Variants in UBTD2 observed in about 807,000 individuals in gnomAD.
UBTD2 encodes ubiquitin domain-containing protein 2.
A neutral mutation model predicts 19.8 loss-of-function variants in UBTD2; 9 were observed. The observed-to-expected ratio is 0.46, with a 90% CI of 0.27 to 0.79. UBTD2 has a LOEUF of 0.79. UBTD2 is among the 30% of genes least tolerant of loss of function. The probability of loss-of-function intolerance (pLI) is 0.14; values close to 1 mark genes in which losing one functional copy is unlikely to be tolerated. For missense variants in UBTD2, 250 were observed against 300.4 expected (o/e 0.83, Z 1.24); for synonymous variants, 98 against 103.9 (o/e 0.94, Z 0.35).
chr5:172,253,405 A>C (rs1755067450), intron 1 of UBTD2, among the ~76,000 whole-genome samples: 1 of 152,134 alleles, frequency 6.6e-6, no homozygotes, highest in African/African-American at 2.4e-5. Context: ...CCTGAGATAT[A>C]AATCTCACAA....
intron 1 of UBTD2, among the ~76,000 whole-genome samples, chr5:172,272,459 A>C (rs1755509604): frequency 6.6e-6 from 1 of 152,208 alleles, no homozygotes; most frequent in Non-Finnish European, 1.5e-5. Context: ...GTGGCCCCCC[A>C]AATGAAGATA....
intron 1 of UBTD2, among the ~76,000 whole-genome samples, chr5:172,254,155 A>C (rs1159154400): frequency 6.6e-6 from 1 of 152,114 alleles, no homozygotes; most frequent in Non-Finnish European, 1.5e-5. Context: ...GCTGGAGTGC[A>C]GTGGTGCAAT....
chr5:172,254,099 C>T (rs1469497526), intron 1 of UBTD2, among the ~76,000 whole-genome samples: 1 of 151,820 alleles, frequency 6.6e-6, no homozygotes, highest in Non-Finnish European at 1.5e-5. Flanking sequence ...AACTAGCATT[C>T]CTTTTTTCTT....
intron 1 of UBTD2, among the ~76,000 whole-genome samples, chr5:172,239,417 GTC>G (rs928871349): frequency 1.6e-4 from 25 of 151,888 alleles, no homozygotes; most frequent in African/African-American, 6.0e-4. Flanking sequence ...GTGAAACCCC[GTC>G]TCTCTCTTTT....
intron 1 of UBTD2, among the ~76,000 whole-genome samples, chr5:172,278,168 C>G (rs766384547): frequency 6.6e-6 from 1 of 152,128 alleles, no homozygotes; most frequent in Non-Finnish European, 1.5e-5. Context: ...TCCTATCCAG[C>G]TGAAAGAACT....
chr5:172,220,609 A>G (rs1377391356), intron 2 of UBTD2, among the ~76,000 whole-genome samples: 1 of 152,102 alleles, frequency 6.6e-6, no homozygotes, highest in East Asian at 1.9e-4. Context: ...CTGGGCAACA[A>G]GAGCAAAATT....
At chr5:172,253,918 A>G (rs1038770729) in intron 1 of UBTD2, among the ~76,000 whole-genome samples, 12 of 151,714 alleles carry the variant, frequency 7.9e-5, no homozygotes, top group African/African-American at 1.7e-4. Flanking sequence ...CAACCCTAGG[A>G]AAAAAAAAGT....
intron 1 of UBTD2, among the ~76,000 whole-genome samples, chr5:172,267,614 T>A (rs1465313266): frequency 6.6e-6 from 1 of 152,242 alleles, no homozygotes; most frequent in East Asian, 1.9e-4. Context: ...GTTTAACTTC[T>A]GAGTACAGCT....
chr5:172,247,062 C>T, intron 1 of UBTD2, among the ~76,000 whole-genome samples: 1 of 151,844 alleles, frequency 6.6e-6, no homozygotes, highest in Non-Finnish European at 1.5e-5. Context: ...CCCAAGATTG[C>T]AGTTTTAAAG....
Position 172,209,837 on chromosome 5 carries a change from A to G in UBTD2, c.*1993T>C, listed in dbSNP as rs897996263. The stretch of plus-strand genomic sequence containing the variant: ...AGCATATGTTCCTTTAAAATAAAAT[A>G]AACTCTTAAAAAGAGAGCTCAAATC... On this transcript the variant is annotated 3_prime_UTR_variant, in exon 3 of 3. Coordinates refer to ENST00000393792, the MANE Select transcript of UBTD2 (RefSeq NM_152277.3). 7.2e-5 allele frequency: 11 copies of G among 152,638 alleles called. No individual in the cohort carries two copies. The highest frequency in any genetic ancestry group is 2.9e-5 in the Non-Finnish European group (2 of 68,026). 9.5% of individuals were successfully genotyped at this position (152,638 alleles called of 1,614,324 possible). A position where few individuals can be genotyped will look rare whatever the true frequency, so the allele number is the denominator to read the frequency against.
At chr5:172,262,461 A>AAC (rs933320759) in intron 1 of UBTD2, among the ~76,000 whole-genome samples, 3 of 151,166 alleles carry the variant, frequency 2.0e-5, no homozygotes, top group African/African-American at 7.3e-5. Flanking sequence ...AAAAAAAAAA[A>AAC]AAAAAAACAA....
intron 1 of UBTD2, among the ~76,000 whole-genome samples, chr5:172,243,012 G>C (rs1218574723): frequency 1.3e-5 from 2 of 151,894 alleles, no homozygotes; most frequent in East Asian, 1.9e-4. Flanking sequence ...CTTTTTTGTA[G>C]AGACAGGGTC....
At position 172,210,686 on chromosome 5, in the gene UBTD2, T is replaced by C. The variant is rs1161247136; in HGVS notation, c.*1144A>G. On this transcript the variant is annotated 3_prime_UTR_variant, in exon 3 of 3. Coordinates refer to ENST00000393792, the MANE Select transcript of UBTD2 (RefSeq NM_152277.3). ...AAGCACTAAGGTATAAAGCAATGTT[T>C]CATTATTTGGTCTCACTGCTAATGT... The C allele has an allele frequency of 6.6e-6, 1 of 152,176 alleles. No individual in the cohort carries two copies. Among genetic ancestry groups the C allele is most frequent in the Non-Finnish European group, 1.5e-5 (1 of 68,026 alleles). The allele number at this position is 152,176 out of a possible 1,614,324, so 9.4% of individuals were successfully genotyped here.
Position 172,278,299 on chromosome 5 carries a change from T to C in UBTD2, c.70+5297A>G, listed in dbSNP as rs562534855. ...AATGGATAAAAAAAAAAGTGGTATA[T>C]ACATGGGCAGGAGTTGGAGACCAGC... On this transcript the variant is annotated intron_variant, in intron 1 of 2. Transcript: ENST00000393792. Among the ~76,000 whole-genome samples the C allele has an allele frequency of 5.9e-5, 9 of 151,856 alleles. No homozygotes were observed. In the East Asian group the frequency reaches 1.2e-3, roughly 20 times the overall value.
chr5:172,229,121 C>T (rs1051158114), intron 2 of UBTD2, among the ~76,000 whole-genome samples: 8 of 152,006 alleles, frequency 5.3e-5, no homozygotes, highest in Admixed American at 5.2e-4. Context: ...TGAATAAAAT[C>T]GGGGTTAAAT....
At chr5:172,263,307 C>T (rs1755309805) in intron 1 of UBTD2, among the ~76,000 whole-genome samples, 1 of 152,048 alleles carries the variant, frequency 6.6e-6, no homozygotes, top group South Asian at 2.1e-4. Context: ...AAGTATGTCA[C>T]TAGGTGTATT....
chr5:172,254,946 GC>G, intron 1 of UBTD2: 1 of 524,776 alleles, frequency 1.9e-6, no homozygotes, highest in Non-Finnish European at 3.7e-6. Flanking sequence ...ACCATGAGAG[GC>G]TCCTGGAGGT....
intron 1 of UBTD2, among the ~76,000 whole-genome samples, chr5:172,273,213 G>A (rs1208123726): frequency 6.6e-6 from 1 of 152,128 alleles, no homozygotes; most frequent in Non-Finnish European, 1.5e-5. Context: ...TCCATAAAAT[G>A]CAGCACTAAT....
At chr5:172,218,290 A>G (rs530248292) in intron 2 of UBTD2, among the ~76,000 whole-genome samples, 2 of 152,188 alleles carry the variant, frequency 1.3e-5, no homozygotes, top group Admixed American at 1.3e-4. Flanking sequence ...AAGGAAAACA[A>G]CTTATAATGT....
Sources: allele counts gnomAD v4.1 joint callset (sites outside exome capture counted in the v4.1 genomes callset), GRCh38; gene constraint gnomAD v4.1.1; transcripts MANE v1.5; gene names NCBI Gene and HGNC (gene_info 2026-07-23, HGNC 2026-07-21).